Variants in ARL2BP observed in about 807,000 individuals in gnomAD.
ARL2BP encodes the protein ADP-ribosylation factor-like protein 2-binding protein.
ARL2BP carries 19 observed loss-of-function variants against 24.2 expected under a neutral mutation model. The observed-to-expected ratio is 0.79, with a 90% CI of 0.55 to 1.15. The LOEUF (loss-of-function observed/expected upper bound fraction) is 1.15. ARL2BP is among the 50% of genes most tolerant of loss of function. The probability of loss-of-function intolerance (pLI) is 0.00; values close to 1 mark genes in which losing one functional copy is unlikely to be tolerated. For synonymous variants in ARL2BP, 56 were observed against 70.5 expected (o/e 0.79, Z 1.03); for missense variants, 160 against 190.4 (o/e 0.84, Z 0.94).
At chr16:57,249,094 C>G (rs1007054197) in intron 3 of ARL2BP, 1 of 152,674 alleles carries the variant, frequency 6.5e-6, no homozygotes, top group Non-Finnish European at 1.5e-5. Context: ...TCATACCTTG[C>G]ATTTGCATGC....
intron 1 of ARL2BP, chr16:57,245,721 C>A: frequency 3.8e-6 from 2 of 523,286 alleles, no homozygotes; most frequent in Non-Finnish European, 6.8e-6. Context: ...CCCTCCACCC[C>A]TCCCTGGCCC....
rs748674247 is a variant in ARL2BP, at chr16:57,250,525, T to C, written c.390+18T>C. ...ACAGAGCAGTAAGTTACTACTCCTA[T>C]TTATTTAGCCACTTTGAGCCACTTA... On this transcript the variant is annotated intron_variant, in intron 5 of 5. Transcript: ENST00000219204. 3.1e-6 allele frequency: 5 copies of C among 1,594,142 alleles called. No individual in the cohort carries two copies. The highest frequency in any genetic ancestry group is 4.3e-6 in the Non-Finnish European group (5 of 1,161,838).
At chr16:57,245,440 G>T in intron 1 of ARL2BP, 35 bp downstream of exon 1, 1 of 1,599,078 alleles carries the variant, frequency 6.3e-7, no homozygotes, top group Admixed American at 1.8e-5. Flanking sequence ...GCGACTTGGG[G>T]CCGGAGGCAG....
intron 3 of ARL2BP, 24 bp from the exon 4 acceptor site, chr16:57,249,743 C>A (rs1223538816): frequency 6.2e-7 from 1 of 1,603,694 alleles, no homozygotes; most frequent in Non-Finnish European, 8.5e-7. Flanking sequence ...TATGGTCTCA[C>A]CAAAATCCTT....
chr16:57,245,546 C>T (rs1474088770), intron 1 of ARL2BP, 141 bp downstream of exon 1: 7 of 1,117,026 alleles, frequency 6.3e-6, no homozygotes, highest in African/African-American at 1.6e-5. Flanking sequence ...AAGGCGCCGT[C>T]CCAGCTCCAG....
In ARL2BP at chr16:57,245,389, A is replaced by G. The variant is rs201043278; in HGVS notation, c.22A>G (p.Ser8Gly). The G allele has an allele frequency of 1.7e-5, 27 of 1,607,156 alleles. No individual in the cohort carries two copies. The African/African-American group carries it at 3.5e-4, about 21-fold the overall frequency. The change falls in exon 1 of 6, where the codon AGC (serine) becomes GGC (glycine). Residue 8 changes from serine to glycine, a missense_variant. Transcript: ENST00000219204. ...TGCGATGGACGCCTTAGAAGGAGAG[A>G]GCTTTGCGCTGTCTTTGTGAGTAGC... MDALEGE[S>G]FALSFSSASD...
chr16:57,245,492 C>T (rs532406459), intron 1 of ARL2BP, 87 bp downstream of exon 1: 3 of 1,526,672 alleles, frequency 2.0e-6, no homozygotes, highest in East Asian at 2.4e-5. Flanking sequence ...AACAGGTGTC[C>T]TTAGGGGCCG....
intron 3 of ARL2BP, chr16:57,249,544 C>G: frequency 1.8e-6 from 1 of 551,130 alleles, no homozygotes; most frequent in East Asian, 3.1e-5. Flanking sequence ...AGCATCCACC[C>G]TGTTACAGCA....
In ARL2BP at chr16:57,252,594, G is replaced by T; in HGVS notation, c.*327G>T. On this transcript the variant is annotated 3_prime_UTR_variant, in exon 6 of 6. Coordinates refer to ENST00000219204, the MANE Select transcript of ARL2BP (RefSeq NM_012106.4). ...CCTTCCCCAGCATACCTGCTGGTGT[G>T]TAAGTGTGGACTAACCCGCCGCCAC... The T allele has an allele frequency of 2.7e-6, 1 of 370,028 alleles. No individual in the cohort carries two copies. Among genetic ancestry groups the T allele is most frequent in the Non-Finnish European group, 5.1e-6 (1 of 197,120 alleles). The allele number at this position is 370,028 out of a possible 1,614,324, so 22.9% of individuals were successfully genotyped here.
rs76474355 is a variant in ARL2BP, at chr16:57,249,664, C to T, written c.208-103C>T. On this transcript the variant is annotated intron_variant, in intron 3 of 5. Coordinates refer to ENST00000219204, the MANE Select transcript of ARL2BP (RefSeq NM_012106.4). The stretch of plus-strand genomic sequence containing the variant: ...TTGGCACTCAGTGTAGATTGTGGCA[C>T]ACAGACCTCAGGAAATGTTTAGAAA... The T allele has an allele frequency of 2.0e-3, 1,810 of 886,880 alleles. 19 individuals are homozygous for T. The African/African-American group carries it at 0.026, about 13-fold the overall frequency. The allele number at this position is 886,880 out of a possible 1,614,324, so 54.9% of individuals were successfully genotyped here.
intron 3 of ARL2BP, chr16:57,249,548 T>TA (rs2075400936): frequency 1.8e-6 from 1 of 557,370 alleles, no homozygotes; most frequent in Non-Finnish European, 3.2e-6. Flanking sequence ...TCCACCCTGT[T>TA]ACAGCACCAT....
chr16:57,251,590 C>CA (rs112435742), intron 5 of ARL2BP: 13,334 of 105,124 alleles, frequency 0.13, 713 homozygotes, highest in Admixed American at 0.22. Context: ...ACCCCTATCT[C>CA]AAAAAAAAAA....
Position 57,253,408 on chromosome 16 carries a change from G to GTCA in ARL2BP, c.*1144_*1146dup, listed in dbSNP as rs2075414681. ...AGATTACTTATCAGAAAACATATAT[G>GTCA]TCATCTCTAGAACGAAGAAAAAGCA... On this transcript the variant is annotated 3_prime_UTR_variant, in exon 6 of 6. Transcript: ENST00000219204. 1 of 151,958 alleles carries GTCA rather than the reference G, an allele frequency of 6.6e-6. No homozygotes were observed. Among genetic ancestry groups the GTCA allele is most frequent in the Admixed American group, 6.6e-5 (1 of 15,258 alleles). The allele number at this position is 151,958 out of a possible 1,614,324, so 9.4% of individuals were successfully genotyped here.
intron 5 of ARL2BP, 65 bp downstream of exon 5, chr16:57,250,572 C>A: frequency 7.7e-7 from 1 of 1,301,862 alleles, no homozygotes; most frequent in Non-Finnish European, 1.1e-6. Context: ...GTAGAAATAC[C>A]GAACATGAAC....
chr16:57,245,609 G>C (rs1361270502), intron 1 of ARL2BP, among the ~76,000 whole-genome samples: 1 of 152,268 alleles, frequency 6.6e-6, no homozygotes, highest in East Asian at 1.9e-4. Context: ...CGCAGGACAG[G>C]AGTGCGAGGC....
chr16:57,247,177 C>A (rs756094914), intron 2 of ARL2BP, among the ~76,000 whole-genome samples: 2 of 152,142 alleles, frequency 1.3e-5, no homozygotes, highest in Non-Finnish European at 2.9e-5. Flanking sequence ...CCCTTAACTC[C>A]TGAATATAGA....
At position 57,252,417 on chromosome 16, in the gene ARL2BP, C is replaced by T; in HGVS notation, c.*150C>T. On this transcript the variant is annotated 3_prime_UTR_variant, in exon 6 of 6. Transcript: ENST00000219204. The stretch of plus-strand genomic sequence containing the variant: ...TATTAATAGGTCAAAACCAAAATGA[C>T]CTAACCCTCCTGGACCTATTTATCC... 1 of 1,432,794 alleles carries T rather than the reference C, an allele frequency of 7.0e-7. No homozygotes were observed. The highest frequency in any genetic ancestry group is 2.5e-5 in the East Asian group (1 of 40,320). The allele number at this position is 1,432,794 out of a possible 1,614,324, so 88.8% of individuals were successfully genotyped here.
intron 5 of ARL2BP, chr16:57,251,885 A>G (rs1209479640): frequency 5.8e-6 from 2 of 343,390 alleles, no homozygotes; most frequent in African/African-American, 4.2e-5. Flanking sequence ...GGACCACTTG[A>G]GCCCAGGAAT....
chr16:57,249,748 A>G lies in ARL2BP; in HGVS notation c.208-19A>G. On this transcript the variant is annotated intron_variant, in intron 3 of 5. Coordinates refer to ENST00000219204, the MANE Select transcript of ARL2BP (RefSeq NM_012106.4). ...TTTCCCAAAGTATGGTCTCACCAAA[A>G]TCCTTTCCACTGTTGCAGATTTCTT... The G allele has an allele frequency of 1.2e-6, 2 of 1,609,418 alleles. No homozygotes were observed. The highest frequency in any genetic ancestry group is 1.7e-6 in the Non-Finnish European group (2 of 1,175,692).
Sources: allele counts gnomAD v4.1 joint callset (sites outside exome capture counted in the v4.1 genomes callset), GRCh38; gene constraint gnomAD v4.1.1; transcripts MANE v1.5; gene names NCBI Gene and HGNC (gene_info 2026-07-23, HGNC 2026-07-21).